The following CCBE1 variants were observed in gnomAD, a reference collection of about 807,000 sequenced individuals.
CCBE1 encodes collagen and calcium binding EGF domains 1.
Under a neutral mutation model 50.0 loss-of-function variants are expected in CCBE1, and 37 were observed. The observed-to-expected ratio is 0.74, with a 90% CI of 0.57 to 0.97. CCBE1 has a LOEUF of 0.97. Ranked by LOEUF, CCBE1 falls within the 50% of genes least tolerant of loss-of-function variation. The probability of loss-of-function intolerance (pLI) is 0.00; values close to 1 mark genes in which losing one functional copy is unlikely to be tolerated. For synonymous variants in CCBE1, 234 were observed against 203.7 expected (o/e 1.15, Z -1.27); for missense variants, 538 against 523.8 (o/e 1.03, Z -0.26).
intron 3 of CCBE1, among the ~76,000 whole-genome samples, chr18:59,470,283 C>T (rs571548301): frequency 2.6e-5 from 4 of 152,224 alleles, no homozygotes; most frequent in Admixed American, 6.5e-5. Context: ...CATCAGATCT[C>T]GTGAGACTTA....
At chr18:59,584,189 T>C (rs1014148752) in intron 2 of CCBE1, among the ~76,000 whole-genome samples, 5 of 152,130 alleles carry the variant, frequency 3.3e-5, no homozygotes, top group African/African-American at 9.7e-5. Flanking sequence ...GATGAGTTCA[T>C]GTCCTTTGTA....
At chr18:59,480,097 G>T in intron 3 of CCBE1, 89 bp downstream of exon 3, 2 of 898,560 alleles carry the variant, frequency 2.2e-6, no homozygotes, top group Non-Finnish European at 3.6e-6. Context: ...ACACAGATAA[G>T]ACCTATATTC....
At chr18:59,642,772 A>AC (rs2054006745) in intron 2 of CCBE1, among the ~76,000 whole-genome samples, 1 of 151,868 alleles carries the variant, frequency 6.6e-6, no homozygotes, top group Non-Finnish European at 1.5e-5. Flanking sequence ...ACGTGGTGAA[A>AC]CCCCATCTCT....
At chr18:59,548,314 G>A (rs1345877730) in intron 2 of CCBE1, among the ~76,000 whole-genome samples, 3 of 152,186 alleles carry the variant, frequency 2.0e-5, no homozygotes, top group Admixed American at 2.0e-4. Flanking sequence ...AAATTATATG[G>A]ATACTTTCTG....
chr18:59,503,208 C>T (rs1220552258), intron 2 of CCBE1, among the ~76,000 whole-genome samples: 1 of 152,188 alleles, frequency 6.6e-6, no homozygotes, highest in African/African-American at 2.4e-5. Flanking sequence ...CATTCCCTAG[C>T]CATTAAGTGT....
intron 2 of CCBE1, among the ~76,000 whole-genome samples, chr18:59,509,684 G>A (rs7243244): frequency 0.34 from 50,918 of 151,974 alleles, 9,044 homozygotes; most frequent in East Asian, 0.49. Flanking sequence ...TTCAGTGCCC[G>A]GTGGAAACAA....
In CCBE1 at chr18:59,433,306, C is replaced by T. The variant is rs1171295370; in HGVS notation, c.*2602G>A. ...TTAGGGATGGGGTCTTGCTATGTTGCCCAGACTGGCCTTGAACTCCTGGGC... is the reference window on the plus strand; with the variant it reads ...TTAGGGATGGGGTCTTGCTATGTTGTCCAGACTGGCCTTGAACTCCTGGGC... On this transcript the variant is annotated 3_prime_UTR_variant, in exon 11 of 11. Coordinates refer to ENST00000439986, the MANE Select transcript of CCBE1 (RefSeq NM_133459.4). The T allele has an allele frequency of 2.0e-5, 3 of 151,742 alleles. No individual in the cohort carries two copies. Among genetic ancestry groups the T allele is most frequent in the African/African-American group, 7.3e-5 (3 of 41,274 alleles). 9.4% of individuals were successfully genotyped at this position (151,742 alleles called of 1,614,324 possible).
intron 2 of CCBE1, among the ~76,000 whole-genome samples, chr18:59,491,423 C>T (rs920969478): frequency 3.9e-5 from 6 of 152,082 alleles, no homozygotes; most frequent in Non-Finnish European, 8.8e-5. Flanking sequence ...ATTTTAATTG[C>T]CTTCATTTTT....
At position 59,517,747 on chromosome 18, in the gene CCBE1, G is replaced by A. The variant is rs1018486296; in HGVS notation, c.213-37509C>T. Reference sequence around the variant, plus strand: ...CAAAGCAGCAAGTTTTCAGAGCACCGAGTTTCTCCACTGGCCATTAGCAGT... The same window carrying A: ...CAAAGCAGCAAGTTTTCAGAGCACCAAGTTTCTCCACTGGCCATTAGCAGT... On this transcript the variant is annotated intron_variant, in intron 2 of 10. Coordinates refer to ENST00000439986, the MANE Select transcript of CCBE1 (RefSeq NM_133459.4). 3.0e-4 allele frequency among the ~76,000 whole-genome samples: 46 copies of A among 152,124 alleles called. 1 individual carries two copies. Among genetic ancestry groups the A allele is most frequent in the Non-Finnish European group, 2.9e-4 (20 of 68,030 alleles).
At chr18:59,645,195 C>T (rs569844786) in intron 2 of CCBE1, among the ~76,000 whole-genome samples, 66 of 152,256 alleles carry the variant, frequency 4.3e-4, no homozygotes, top group Non-Finnish European at 8.5e-4. Flanking sequence ...CACCACTGCA[C>T]TCCAGCCTGG....
Position 59,477,064 on chromosome 18 carries a change from G to A in CCBE1, c.265+3122C>T, listed in dbSNP as rs529993320. Among the ~76,000 whole-genome samples, 4 of 152,364 alleles carry A rather than the reference G, an allele frequency of 2.6e-5. No individual in the cohort carries two copies. In the South Asian group the frequency reaches 8.3e-4, roughly 32 times the overall value. On this transcript the variant is annotated intron_variant, in intron 3 of 10. Coordinates refer to ENST00000439986, the MANE Select transcript of CCBE1 (RefSeq NM_133459.4). ...CAACAGAAGCAAAAATGATTCCATTGAACTGAAAATTAAGGTGCCACCTGG... is the reference window on the plus strand; with the variant it reads ...CAACAGAAGCAAAAATGATTCCATTAAACTGAAAATTAAGGTGCCACCTGG...
intron 9 of CCBE1, among the ~76,000 whole-genome samples, chr18:59,438,452 CTTT>C (rs1033462440): frequency 9.2e-5 from 14 of 152,288 alleles, no homozygotes; most frequent in African/African-American, 3.4e-4. Flanking sequence ...ACACTGACTT[CTTT>C]GTGAGGCAAA....
At chr18:59,677,786 G>T (rs1251678835) in intron 2 of CCBE1, among the ~76,000 whole-genome samples, 2 of 152,128 alleles carry the variant, frequency 1.3e-5, no homozygotes, top group African/African-American at 4.8e-5. Flanking sequence ...CCAAATGTAA[G>T]GTTGAAATGA....
At chr18:59,445,795 T>A (rs1910641911) in intron 7 of CCBE1, among the ~76,000 whole-genome samples, 1 of 152,118 alleles carries the variant, frequency 6.6e-6, no homozygotes, top group Non-Finnish European at 1.5e-5. Flanking sequence ...ATTTACACAA[T>A]CAGTACACTA....
intron 3 of CCBE1, among the ~76,000 whole-genome samples, chr18:59,472,938 C>A (rs1912105743): frequency 6.6e-6 from 1 of 152,130 alleles, no homozygotes; most frequent in African/African-American, 2.4e-5. Context: ...TTTATAAAAC[C>A]ATCAGATCTT....
At chr18:59,577,068 G>T in intron 2 of CCBE1, among the ~76,000 whole-genome samples, 1 of 152,302 alleles carries the variant, frequency 6.6e-6, no homozygotes, top group East Asian at 1.9e-4. Flanking sequence ...TTCTCCGAAG[G>T]GTCCTCATGT....
chr18:59,547,084 G>GGAAA (rs1244840885), intron 2 of CCBE1, among the ~76,000 whole-genome samples: 8 of 141,734 alleles, frequency 5.6e-5, no homozygotes, highest in Non-Finnish European at 1.2e-4. Flanking sequence ...GGAGAGAAAG[G>GGAAA]GAGAGAGAGG....
chr18:59,658,913 C>G (rs576834135), intron 2 of CCBE1, among the ~76,000 whole-genome samples: 1 of 142,532 alleles, frequency 7.0e-6, no homozygotes, highest in East Asian at 2.2e-4. Flanking sequence ...AAAACTGTTA[C>G]CAGATATAAT....
chr18:59,667,774 A>G (rs1404359705), intron 2 of CCBE1, among the ~76,000 whole-genome samples: 1 of 152,208 alleles, frequency 6.6e-6, no homozygotes, highest in Non-Finnish European at 1.5e-5. Context: ...GCAGGACAGG[A>G]AAGAATGGGG....
Sources: allele counts gnomAD v4.1 joint callset (sites outside exome capture counted in the v4.1 genomes callset), GRCh38; gene constraint gnomAD v4.1.1; transcripts MANE v1.5; gene names NCBI Gene and HGNC (gene_info 2026-07-23, HGNC 2026-07-21).